Variants in MBD2 observed in about 807,000 individuals in gnomAD.
MBD2 encodes the protein methyl-CpG binding domain protein 2, also known as methyl-CpG-binding domain protein 2.
A neutral mutation model predicts 39.3 loss-of-function variants in MBD2; 9 were observed. The ratio of observed to expected loss-of-function variants is 0.23; its 90% CI spans 0.14 to 0.40. MBD2 has a LOEUF of 0.40. Ranked by LOEUF, MBD2 falls within the 10% of genes least tolerant of loss-of-function variation. MBD2 has a pLI of 1.00. For synonymous variants in MBD2, 233 were observed against 211.1 expected (o/e 1.10, Z -0.90); for missense variants, 458 against 532.6 (o/e 0.86, Z 1.38).
intron 5 of MBD2, among the ~76,000 whole-genome samples, chr18:54,163,048 C>T (rs1004060897): frequency 2.0e-5 from 3 of 151,974 alleles, no homozygotes; most frequent in Non-Finnish European, 4.4e-5. Flanking sequence ...CTGAGGCAGG[C>T]GGATCATGAT....
chr18:54,183,823 A>T (rs1299607778), intron 3 of MBD2, among the ~76,000 whole-genome samples: 1 of 152,168 alleles, frequency 6.6e-6, no homozygotes, highest in African/African-American at 2.4e-5. Flanking sequence ...TTTGGGAAGA[A>T]GCCAGTTTAG....
intron 3 of MBD2, among the ~76,000 whole-genome samples, chr18:54,179,954 T>TGAAAGAAAGAAAAA (rs1568083182): frequency 1.2e-4 from 3 of 24,050 alleles, no homozygotes; most frequent in African/African-American, 8.6e-4. Flanking sequence ...AAAGAAAAAC[T>TGAAAGAAAGAAAAA]CTCATTGACA....
At chr18:54,218,050 A>G (rs2086576118) in intron 1 of MBD2, among the ~76,000 whole-genome samples, 1 of 152,210 alleles carries the variant, frequency 6.6e-6, no homozygotes, top group South Asian at 2.1e-4. Flanking sequence ...AAAGCAAGCC[A>G]AACTTTCTAT....
At chr18:54,216,104 GC>G (rs1256690283) in intron 1 of MBD2, among the ~76,000 whole-genome samples, 1 of 152,118 alleles carries the variant, frequency 6.6e-6, no homozygotes, top group Non-Finnish European at 1.5e-5. Flanking sequence ...ACCGCATCCA[GC>G]CCTTGAAGAT....
chr18:54,221,205 C>T (rs1482746933), intron 1 of MBD2, among the ~76,000 whole-genome samples: 3 of 152,178 alleles, frequency 2.0e-5, no homozygotes, highest in Non-Finnish European at 4.4e-5. Context: ...CACCTGTAAT[C>T]CCAGCACTTT....
chr18:54,216,637 G>A (rs911760114), intron 1 of MBD2, among the ~76,000 whole-genome samples: 18 of 152,104 alleles, frequency 1.2e-4, no homozygotes, highest in African/African-American at 4.1e-4. Flanking sequence ...CTCTAGGAAA[G>A]GCTTTTTAAA....
At chr18:54,191,445 T>A (rs2086319585) in intron 2 of MBD2, among the ~76,000 whole-genome samples, 1 of 152,204 alleles carries the variant, frequency 6.6e-6, no homozygotes, top group African/African-American at 2.4e-5. Context: ...AGAGTCTTCA[T>A]ATAAAATCCA....
intron 2 of MBD2, among the ~76,000 whole-genome samples, chr18:54,191,681 C>T (rs181660008): frequency 7.2e-5 from 11 of 152,294 alleles, no homozygotes; most frequent in Admixed American, 3.9e-4. Flanking sequence ...GTAAGCCTCA[C>T]AATAATCTGA....
chr18:54,194,272 C>T (rs1568086939), intron 2 of MBD2, among the ~76,000 whole-genome samples: 1 of 152,034 alleles, frequency 6.6e-6, no homozygotes. Flanking sequence ...AATGCACCCA[C>T]CATTACCTAC....
intron 2 of MBD2, chr18:54,203,067 AT>A: frequency 6.6e-7 from 1 of 1,507,274 alleles, no homozygotes; most frequent in Non-Finnish European, 9.2e-7. Context: ...TTGAAAGCGC[AT>A]GCCATGGTGC....
chr18:54,209,070 G>A (rs909130192), intron 1 of MBD2, among the ~76,000 whole-genome samples: 5 of 152,090 alleles, frequency 3.3e-5, no homozygotes, highest in Admixed American at 6.5e-5. Flanking sequence ...CAAGGAGGGC[G>A]GATTGCCCGA....
At chr18:54,174,197 G>A (rs971485589) in intron 3 of MBD2, among the ~76,000 whole-genome samples, 3 of 152,142 alleles carry the variant, frequency 2.0e-5, no homozygotes, top group African/African-American at 4.8e-5. Flanking sequence ...TGTGACAACC[G>A]AAAAATATCT....
Position 54,222,789 on chromosome 18 carries a change from G to A in MBD2, c.542+1229C>T, listed in dbSNP as rs373374390. Among the ~76,000 whole-genome samples the A allele has an allele frequency of 6.6e-5, 10 of 152,224 alleles. No homozygotes were observed. In the East Asian group the frequency reaches 9.6e-4, roughly 15 times the overall value. On this transcript the variant is annotated intron_variant, in intron 1 of 6. Transcript: ENST00000256429. ...TATAGCAACCATCAGGAATGTGTTC[G>A]TATTTACATGCTGCACCAGCAGTGA... is the stretch of plus-strand genomic sequence containing the variant.
At chr18:54,189,473 C>G (rs370699102) in intron 2 of MBD2, among the ~76,000 whole-genome samples, 1 of 152,122 alleles carries the variant, frequency 6.6e-6, no homozygotes, top group Non-Finnish European at 1.5e-5. Flanking sequence ...CCACCCGCCT[C>G]GGCCTCCCAA....
chr18:54,184,437 G>C (rs1405845211), intron 3 of MBD2, among the ~76,000 whole-genome samples: 1 of 152,110 alleles, frequency 6.6e-6, no homozygotes, highest in Non-Finnish European at 1.5e-5. Context: ...CCCTCACCTG[G>C]TCCATGGAAA....
chr18:54,194,557 G>GTATATATATATATATATATATA (rs147119140), intron 2 of MBD2, among the ~76,000 whole-genome samples: 114 of 148,762 alleles, frequency 7.7e-4, no homozygotes, highest in African/African-American at 2.7e-3. Context: ...GTGTGTGTGT[G>GTATATATATATATATATATATA]TATATATATA....
chr18:54,189,248 G>A lies in MBD2; in HGVS notation c.703-237C>T, dbSNP rs1460247923. ...CTTTTTTTTTTTTTTTTTTGAGACG[G>A]AGTCTCACTCTGTCGCCCAGGCTGG... On this transcript the variant is annotated intron_variant, in intron 2 of 6. Transcript: ENST00000256429. 4.8e-5 allele frequency among the ~76,000 whole-genome samples: 7 copies of A among 147,182 alleles called. 1 individual carries two copies. The highest frequency in any genetic ancestry group is 1.4e-4 in the Admixed American group (2 of 14,708).
chr18:54,175,952 TTTC>T (rs2086210325), intron 3 of MBD2, among the ~76,000 whole-genome samples: 1 of 152,260 alleles, frequency 6.6e-6, no homozygotes, highest in South Asian at 2.1e-4. Flanking sequence ...AAGCATTTCT[TTTC>T]TTTTTTCTAA....
chr18:54,184,599 T>C (rs2086272151), intron 3 of MBD2, among the ~76,000 whole-genome samples: 1 of 152,242 alleles, frequency 6.6e-6, no homozygotes, highest in Admixed American at 6.5e-5. Flanking sequence ...GTACCAAAAA[T>C]GTAAATATTC....
Sources: gnomAD v4.1 joint callset for allele counts (sites outside exome capture counted in the v4.1 genomes callset) on GRCh38, gnomAD v4.1.1 for gene constraint, MANE v1.5 for transcripts, NCBI Gene and HGNC (gene_info 2026-07-23, HGNC 2026-07-21) for gene names.